Variants in RBFOX1 observed in about 807,000 individuals in gnomAD.
RBFOX1 encodes the protein RNA binding protein fox-1 homolog 1.
RBFOX1 carries 8 observed loss-of-function variants against 57.7 expected under a neutral mutation model. That is an observed-to-expected ratio of 0.14 (90% CI 0.08 to 0.25). The LOEUF is 0.25. Ranked by LOEUF, RBFOX1 falls within the 10% of genes least tolerant of loss-of-function variation. RBFOX1 has a pLI of 1.00. For missense variants in RBFOX1, 611 were observed against 548.5 expected (o/e 1.11, Z -1.14); for synonymous variants, 326 against 222.4 (o/e 1.47, Z -4.15).
At chr16:7,029,064 AT>A in intron 3 of RBFOX1, among the ~76,000 whole-genome samples, 1 of 32,872 alleles carries the variant, frequency 3.0e-5, no homozygotes, top group African/African-American at 2.1e-4. Flanking sequence ...ATATATATAT[AT>A]ATATATATAT....
chr16:5,308,574 C>G (rs908509048), intron 1 of RBFOX1, among the ~76,000 whole-genome samples: 1 of 152,050 alleles, frequency 6.6e-6, no homozygotes, highest in African/African-American at 2.4e-5. Flanking sequence ...TTCCTTTAAC[C>G]TCAACAAATT....
chr16:7,651,833 A>AT (rs1333927236), intron 11 of RBFOX1, among the ~76,000 whole-genome samples: 1 of 152,128 alleles, frequency 6.6e-6, no homozygotes, highest in Non-Finnish European at 1.5e-5. Flanking sequence ...TACCAAATGC[A>AT]TTTTTTCAGA....
At chr16:6,968,716 A>G in intron 3 of RBFOX1, among the ~76,000 whole-genome samples, 1 of 152,030 alleles carries the variant, frequency 6.6e-6, no homozygotes. Context: ...TCCTGTTCTC[A>G]TGGCAGCTGG....
chr16:7,233,215 T>C (rs1208013190), intron 4 of RBFOX1, among the ~76,000 whole-genome samples: 1 of 50,390 alleles, frequency 2.0e-5, no homozygotes, highest in Admixed American at 2.4e-4. Context: ...AAACTCATCC[T>C]TTTTTTTTTT....
intron 3 of RBFOX1, among the ~76,000 whole-genome samples, chr16:6,719,635 A>G (rs750922036): frequency 6.6e-6 from 1 of 150,744 alleles, no homozygotes; most frequent in Non-Finnish European, 1.5e-5. Context: ...TTTAGTAGAG[A>G]TGGGGTTTCA....
At chr16:5,646,634 T>A (rs962549798) in intron 3 of RBFOX1, among the ~76,000 whole-genome samples, 2 of 151,880 alleles carry the variant, frequency 1.3e-5, no homozygotes, top group Non-Finnish European at 2.9e-5. Flanking sequence ...GGGAAGACCC[T>A]CTTATTTTTT....
chr16:5,983,112 C>G (rs984524332), intron 4 of RBFOX1, among the ~76,000 whole-genome samples: 2 of 152,180 alleles, frequency 1.3e-5, no homozygotes, highest in African/African-American at 4.8e-5. Context: ...GCATCTCCGT[C>G]TCTCCAATTA....
At chr16:6,327,698 T>A (rs957857777) in intron 2 of RBFOX1, among the ~76,000 whole-genome samples, 23 of 152,130 alleles carry the variant, frequency 1.5e-4, no homozygotes, top group African/African-American at 5.6e-4. Context: ...CATGATAATG[T>A]CCAAGAAAAG....
At chr16:7,567,216 C>CCT (rs1567864055) in intron 5 of RBFOX1, among the ~76,000 whole-genome samples, 1 of 111,302 alleles carries the variant, frequency 9.0e-6, no homozygotes, top group African/African-American at 3.4e-5. Flanking sequence ...TATAAATATC[C>CCT]ATATATATAT....
At position 6,056,283 on chromosome 16, in the gene RBFOX1, G is replaced by T. The variant is rs115988615; in HGVS notation, c.-127+36291G>T. ...ATAAAGCAAGGAAATTTGACATTTA[G>T]CTGTCAACGATATTGTCTTTCAAGT... On this transcript the variant is annotated intron_variant, in intron 1 of 15. Transcript: ENST00000550418. 4.0e-3 allele frequency among the ~76,000 whole-genome samples: 608 copies of T among 152,198 alleles called. 2 individuals carry two copies. Among genetic ancestry groups the T allele is most frequent in the African/African-American group, 0.014 (561 of 41,514 alleles).
intron 1 of RBFOX1, among the ~76,000 whole-genome samples, chr16:6,199,238 G>A (rs1266864933): frequency 2.0e-5 from 3 of 152,150 alleles, no homozygotes; most frequent in Non-Finnish European, 4.4e-5. Flanking sequence ...ATAATTTAAA[G>A]TCAGAGAACC....
intron 4 of RBFOX1, among the ~76,000 whole-genome samples, chr16:5,977,990 C>T (rs183522389): frequency 2.6e-5 from 4 of 151,866 alleles, no homozygotes; most frequent in African/African-American, 9.7e-5. Flanking sequence ...TGTGTTCTTC[C>T]TCTTTCTCAT....
At chr16:5,733,052 G>A (rs978034908) in intron 3 of RBFOX1, among the ~76,000 whole-genome samples, 12 of 152,016 alleles carry the variant, frequency 7.9e-5, no homozygotes, top group Non-Finnish European at 1.5e-4. Flanking sequence ...CCTAAACAGG[G>A]GGTACATCTT....
chr16:6,565,726 C>G (rs1182489101), intron 2 of RBFOX1, among the ~76,000 whole-genome samples: 3 of 152,216 alleles, frequency 2.0e-5, no homozygotes, highest in Non-Finnish European at 4.4e-5. Context: ...CTTTGGCTTT[C>G]CAAAGTGCTG....
intron 4 of RBFOX1, among the ~76,000 whole-genome samples, chr16:7,489,419 A>G (rs118040015): frequency 2.0e-5 from 3 of 152,302 alleles, no homozygotes; most frequent in Non-Finnish European, 4.4e-5. Flanking sequence ...TATTAATCCC[A>G]TTTAATCTTC....
intron 4 of RBFOX1, among the ~76,000 whole-genome samples, chr16:7,130,518 C>T (rs1311517879): frequency 3.9e-5 from 6 of 152,070 alleles, no homozygotes; most frequent in African/African-American, 1.4e-4. Context: ...CAGAGCCTGA[C>T]CCAGAGAGAG....
intron 2 of RBFOX1, among the ~76,000 whole-genome samples, chr16:5,572,272 C>A (rs1056586848): frequency 1.2e-4 from 19 of 152,202 alleles, no homozygotes; most frequent in African/African-American, 4.3e-4. Context: ...TTTATCTCTT[C>A]ATTCTTATCT....
At chr16:7,011,830 C>T (rs1305569752) in intron 3 of RBFOX1, among the ~76,000 whole-genome samples, 3 of 152,136 alleles carry the variant, frequency 2.0e-5, no homozygotes, top group Admixed American at 6.5e-5. Flanking sequence ...TGTTTTTGGA[C>T]AGTGATATCA....
At chr16:6,886,920 C>G (rs1245977822) in intron 3 of RBFOX1, among the ~76,000 whole-genome samples, 1 of 152,062 alleles carries the variant, frequency 6.6e-6, no homozygotes, top group Non-Finnish European at 1.5e-5. Context: ...GGTCAGGTGT[C>G]TGTGGAAGCA....
Sources: gnomAD v4.1 joint callset for allele counts (sites outside exome capture counted in the v4.1 genomes callset) on GRCh38, gnomAD v4.1.1 for gene constraint, MANE v1.5 for transcripts, NCBI Gene and HGNC (gene_info 2026-07-23, HGNC 2026-07-21) for gene names.